PKHD1L1: variants seen among roughly 807,000 people sequenced by gnomAD.
PKHD1L1 encodes the protein fibrocystin-L.
Under a neutral mutation model 462.9 loss-of-function variants are expected in PKHD1L1, and 434 were observed. That is an observed-to-expected ratio of 0.94 (90% CI 0.87 to 1.02). PKHD1L1 has a LOEUF of 1.02. PKHD1L1 is among the 50% of genes least tolerant of loss of function. The pLI is 0.00. For missense variants in PKHD1L1, 5,202 were observed against 5,096.1 expected, an observed-to-expected ratio of 1.02 and a Z score of -0.63; for synonymous variants, 1,781 against 1,750.0, an observed-to-expected ratio of 1.02 and a Z score of -0.44.
rs550430697 is a variant in PKHD1L1 at position 109,464,591 on chromosome 8, C to T, written c.7759C>T (p.Arg2587Trp). ...TGGCACTCACTTTGGCTTTTGGTACCGGATGAACAACCACCCTGATGGGCC... is the reference window on the plus strand; with the variant it reads ...TGGCACTCACTTTGGCTTTTGGTACTGGATGAACAACCACCCTGATGGGCC... The part of the protein sequence containing the change: ...AGGTHFGFWY[R>W]MNNHPDGPSY... The change falls in exon 49 of 78, where the codon CGG (arginine) becomes TGG (tryptophan). Residue 2587 changes from arginine (R) to tryptophan (W), a missense_variant. By Grantham distance (101) the Arg-to-Trp change is moderately radical. Coordinates refer to ENST00000378402, the MANE Select transcript of PKHD1L1 (RefSeq NM_177531.6). 5.4e-5 allele frequency: 87 copies of T among 1,612,844 alleles called. 1 individual carries two copies. Among genetic ancestry groups the T allele is most frequent in the South Asian group, 2.3e-4 (21 of 91,076 alleles).
rs75043652 is a variant in PKHD1L1, at chr8:109,368,295, A to G, written c.163+3659A>G. Among the ~76,000 whole-genome samples, 680 of 152,324 alleles carry G rather than the reference A, an allele frequency of 4.5e-3. 6 individuals carry two copies. Among genetic ancestry groups the G allele is most frequent in the African/African-American group, 0.015 (634 of 41,548 alleles). On this transcript the variant is annotated intron_variant, in intron 2 of 77. Transcript: ENST00000378402. ...TGAATTATATACTTTTAATAATGTC[A>G]CAGAAAGCATATGGACTTTGGTTCA... is the stretch of plus-strand genomic sequence containing the variant.
At chr8:109,518,050 G>T (rs1017079276) in intron 72 of PKHD1L1, 117 bp from the exon 73 acceptor site, 3 of 703,172 alleles carry the variant, frequency 4.3e-6, no homozygotes, top group African/African-American at 3.6e-5. Context: ...TCTTATGAAA[G>T]AATGATAAAG....
At chr8:109,447,831 C>T (rs1402550071) in intron 38 of PKHD1L1, among the ~76,000 whole-genome samples, 3 of 152,222 alleles carry the variant, frequency 2.0e-5, no homozygotes, top group Admixed American at 1.3e-4. Flanking sequence ...TACTTCCTAA[C>T]TCTAGACCTG....
intron 40 of PKHD1L1, 146 bp from the exon 41 acceptor site, chr8:109,450,829 C>T: frequency 1.4e-6 from 1 of 736,074 alleles, no homozygotes; most frequent in South Asian, 2.3e-5. Context: ...GCTAGAGGGC[C>T]ACTATTATTC....
chr8:109,427,274 T>C, intron 25 of PKHD1L1, 118 bp downstream of exon 25: 1 of 807,772 alleles, frequency 1.2e-6, no homozygotes, highest in Non-Finnish European at 2.0e-6. Flanking sequence ...AACCATAAAC[T>C]AAAATTTCTT....
chr8:109,525,982 C>T (rs547523248), intron 76 of PKHD1L1, among the ~76,000 whole-genome samples: 1 of 152,246 alleles, frequency 6.6e-6, no homozygotes, highest in African/African-American at 2.4e-5. Flanking sequence ...TAAAAACTTA[C>T]AGGGCTGTAC....
At chr8:109,438,017 C>T (rs1815535134) in intron 30 of PKHD1L1, among the ~76,000 whole-genome samples, 1 of 152,002 alleles carries the variant, frequency 6.6e-6, no homozygotes, top group Non-Finnish European at 1.5e-5. Flanking sequence ...AATGCTTTAT[C>T]AGAGAATCAC....
At position 109,504,374 on chromosome 8, in the gene PKHD1L1, G is replaced by A; in HGVS notation, c.10876G>A (p.Val3626Ile). The A allele has an allele frequency of 6.6e-7, 1 of 1,516,920 alleles. No individual in the cohort carries two copies. The highest frequency in any genetic ancestry group is 8.9e-7 in the Non-Finnish European group (1 of 1,118,012). 94.0% of individuals were successfully genotyped at this position (1,516,920 alleles called of 1,614,324 possible). A position where few individuals can be genotyped will look rare whatever the true frequency, so the allele number is the denominator to read the frequency against. The change falls in exon 68 of 78, where the codon GTT (valine) becomes ATT (isoleucine). Residue 3626 changes from valine (V) to isoleucine (I), a missense_variant. Coordinates refer to ENST00000378402, the MANE Select transcript of PKHD1L1 (RefSeq NM_177531.6). ...GAATGTTTGTTCAGGGGAAACTAATGTTATATTCATTACTAACCCTTTAAA... is the reference window on the plus strand; with the variant it reads ...GAATGTTTGTTCAGGGGAAACTAATATTATATTCATTACTAACCCTTTAAA... ...FKNVCSGETNVIFITNPLNED... is the reference protein window; with the variant it reads ...FKNVCSGETNIIFITNPLNED...
intron 72 of PKHD1L1, among the ~76,000 whole-genome samples, chr8:109,517,450 G>A (rs181590297): frequency 2.6e-5 from 4 of 152,208 alleles, no homozygotes; most frequent in Admixed American, 2.6e-4. Context: ...ACACAATTCA[G>A]TGTTTGTCTG....
In PKHD1L1 at chr8:109,476,668, G is replaced by T. The variant is rs1019507248; in HGVS notation, c.8917+1G>T. 6.3e-7 allele frequency: 1 copy of T among 1,584,562 alleles called. No homozygotes were observed. Among genetic ancestry groups the T allele is most frequent in the Non-Finnish European group, 8.6e-7 (1 of 1,167,096 alleles). On this transcript the variant is annotated splice_donor_variant, in intron 52 of 77. Transcript: ENST00000378402. LOFTEE classifies it high-confidence loss of function. ...AACACTAGTACTCTATATTACTTGG[G>T]TATGTGTCATTAGGCAGAAATGATA...
intron 43 of PKHD1L1, among the ~76,000 whole-genome samples, chr8:109,453,497 G>GATTT (rs1303757855): frequency 6.6e-6 from 1 of 152,142 alleles, no homozygotes; most frequent in Non-Finnish European, 1.5e-5. Flanking sequence ...ACTGCTTGAG[G>GATTT]ATTTAGTGCA....
intron 43 of PKHD1L1, among the ~76,000 whole-genome samples, chr8:109,453,572 T>G (rs1816658334): frequency 6.6e-6 from 1 of 152,202 alleles, no homozygotes; most frequent in African/African-American, 2.4e-5. Flanking sequence ...TATTTTTAAC[T>G]TCTGGGAAAA....
rs766666847 is a variant in PKHD1L1, at chr8:109,508,242, C to T, written c.11373C>T (p.Asn3791=). The T allele has an allele frequency of 4.2e-5, 68 of 1,608,686 alleles. No homozygotes were observed. The highest frequency in any genetic ancestry group is 1.6e-4 in the East Asian group (7 of 44,818). ...TTTCCCCAGTGGCTATAATGGGCAACGGTTATGTTGATCTTATTAATGGTA... is the reference window on the plus strand; with the variant it reads ...TTTCCCCAGTGGCTATAATGGGCAATGGTTATGTTGATCTTATTAATGGTA... ...RRLSPVAIMG[N]GYVDLINGPQ... is the part of the protein sequence containing the mutation. The change falls in exon 70 of 78, where the codon AAC becomes AAT. Residue 3791 remains asparagine, a synonymous_variant. Transcript: ENST00000378402.
At chr8:109,504,022 C>T (rs1819567205) in intron 67 of PKHD1L1, among the ~76,000 whole-genome samples, 1 of 152,208 alleles carries the variant, frequency 6.6e-6, no homozygotes, top group South Asian at 2.1e-4. Context: ...TAAGAAAGAG[C>T]AAGCTCCAAT....
In PKHD1L1 at chr8:109,526,905, A is replaced by G. The variant is rs1820845041; in HGVS notation, c.12606A>G (p.Ala4202=). 6.2e-7 allele frequency: 1 copy of G among 1,613,170 alleles called. No individual in the cohort carries two copies. Among genetic ancestry groups the G allele is most frequent in the Non-Finnish European group, 8.5e-7 (1 of 1,179,594 alleles). The part of the protein sequence containing the change: ...SGSSSSSNSK[A]STVGTYAQIM... ...GCAGCAGCAGCAGCAACAGCAAAGC[A>G]TCAACTGTGGGTACATATGCCCAGA... The change falls in exon 77 of 78, where the codon GCA becomes GCG. Residue 4202 remains alanine (A), a synonymous_variant. Transcript: ENST00000378402.
rs149671654 is a variant in PKHD1L1 at position 109,452,571 on chromosome 8, T to G, written c.6508-147T>G. ...ATGACACATTTTAAGTAGGTTAGAT[T>G]TTATTATTAATAAAATGCTTATTGT... is the stretch of plus-strand genomic sequence containing the variant. On this transcript the variant is annotated intron_variant, in intron 42 of 77. Coordinates refer to ENST00000378402, the MANE Select transcript of PKHD1L1 (RefSeq NM_177531.6). 2.9e-3 allele frequency: 1,317 copies of G among 452,976 alleles called. 33 individuals are homozygous for G. In the Admixed American group the frequency reaches 0.045, roughly 15 times the overall value. 28.1% of individuals were successfully genotyped at this position (452,976 alleles called of 1,614,324 possible).
intron 2 of PKHD1L1, among the ~76,000 whole-genome samples, chr8:109,366,366 A>T (rs936991037): frequency 6.6e-6 from 1 of 152,208 alleles, no homozygotes; most frequent in Non-Finnish European, 1.5e-5. Context: ...ACGTGTTCTC[A>T]TATGTCTTTC....
chr8:109,467,910 T>C (rs1457669720), intron 50 of PKHD1L1, among the ~76,000 whole-genome samples: 2 of 152,174 alleles, frequency 1.3e-5, no homozygotes, highest in Non-Finnish European at 1.5e-5. Flanking sequence ...ATCGTAAGTA[T>C]AGAAAAAGAG....
chr8:109,439,133 A>C (rs1478270077), intron 32 of PKHD1L1, 41 bp downstream of exon 32: 1 of 1,553,444 alleles, frequency 6.4e-7, no homozygotes, highest in Admixed American at 1.7e-5. Context: ...TGTAGAACAC[A>C]TGGGGCTAGT....
Sources: allele counts gnomAD v4.1 joint callset (sites outside exome capture counted in the v4.1 genomes callset), GRCh38; gene constraint gnomAD v4.1.1; transcripts MANE v1.5; gene names NCBI Gene and HGNC (gene_info 2026-07-23, HGNC 2026-07-21).